Variants in FAF1 observed in about 807,000 individuals in gnomAD.
FAF1 encodes the protein Fas associated factor 1, also known as FAS-associated factor 1.
FAF1 carries 25 observed loss-of-function variants against 92.5 expected under a neutral mutation model. That is an observed-to-expected ratio of 0.27 (90% CI 0.20 to 0.38). The LOEUF is 0.38. FAF1 is among the 10% of genes least tolerant of loss of function. The pLI, the probability that FAF1 is intolerant of heterozygous loss-of-function variation, is 1.00. For synonymous variants in FAF1, 234 were observed against 273.2 expected (o/e 0.86, Z 1.42); for missense variants, 636 against 793.3 (o/e 0.80, Z 2.38).
intron 1 of FAF1, among the ~76,000 whole-genome samples, chr1:50,948,129 A>G (rs1645185240): frequency 6.6e-6 from 1 of 152,224 alleles, no homozygotes; most frequent in Non-Finnish European, 1.5e-5. Flanking sequence ...TTACAAGCAA[A>G]AGGTAGGAGG....
chr1:50,931,888 A>AAATAAATAAT (rs372773840), intron 1 of FAF1, among the ~76,000 whole-genome samples: 34 of 129,482 alleles, frequency 2.6e-4, no homozygotes, highest in East Asian at 1.1e-3. Flanking sequence ...ATAAATAAAT[A>AAATAAATAAT]AATAATAATA....
intron 2 of FAF1, among the ~76,000 whole-genome samples, chr1:50,852,620 G>C (rs990275463): frequency 5.9e-5 from 9 of 152,136 alleles, no homozygotes; most frequent in African/African-American, 1.9e-4. Flanking sequence ...ATCTTAAAAT[G>C]TGGTTTACCG....
intron 15 of FAF1, among the ~76,000 whole-genome samples, chr1:50,503,612 C>T (rs971585404): frequency 6.9e-6 from 1 of 145,200 alleles, no homozygotes; most frequent in Admixed American, 7.0e-5. Context: ...GATTCCCTGT[C>T]TCTTTAAAAA....
intron 8 of FAF1, among the ~76,000 whole-genome samples, chr1:50,636,869 TGGC>T (rs1251191509): frequency 6.6e-6 from 1 of 152,132 alleles, no homozygotes; most frequent in East Asian, 1.9e-4. Context: ...AATTTGTGTA[TGGC>T]ATAAGGTAAA....
chr1:50,748,952 T>A (rs1289439011), intron 4 of FAF1, among the ~76,000 whole-genome samples: 1 of 152,362 alleles, frequency 6.6e-6, no homozygotes. Flanking sequence ...GTCTCAATGA[T>A]ACTTTTTAAC....
At chr1:50,577,317 G>A (rs1042448953) in intron 12 of FAF1, among the ~76,000 whole-genome samples, 2 of 152,170 alleles carry the variant, frequency 1.3e-5, no homozygotes, top group African/African-American at 4.8e-5. Flanking sequence ...CTGAGGTCAG[G>A]AGTTCAAGAC....
At chr1:50,632,842 T>C (rs1029606728) in intron 8 of FAF1, among the ~76,000 whole-genome samples, 4 of 152,194 alleles carry the variant, frequency 2.6e-5, no homozygotes, top group African/African-American at 9.7e-5. Context: ...GGTGAAAGTA[T>C]TGGCTTCTTA....
intron 4 of FAF1, among the ~76,000 whole-genome samples, chr1:50,778,021 G>C (rs147270908): frequency 1.3e-5 from 2 of 152,266 alleles, no homozygotes; most frequent in African/African-American, 4.8e-5. Context: ...ACAGCAGCTT[G>C]GTAACGCTAG....
chr1:50,900,825 T>G (rs1056840018), intron 1 of FAF1, among the ~76,000 whole-genome samples: 14 of 152,160 alleles, frequency 9.2e-5, no homozygotes, highest in Non-Finnish European at 4.4e-5. Context: ...ACTTAGTAAA[T>G]TCTATTTATG....
intron 1 of FAF1, among the ~76,000 whole-genome samples, chr1:50,894,535 T>C (rs1644744242): frequency 6.6e-6 from 1 of 151,932 alleles, no homozygotes; most frequent in South Asian, 2.1e-4. Context: ...AAGAAAAACT[T>C]ATCTTTAATC....
Position 50,663,828 on chromosome 1 carries a change from T to C in FAF1, c.658-8300A>G, listed in dbSNP as rs181802533. On this transcript the variant is annotated intron_variant, in intron 7 of 18. Coordinates refer to ENST00000396153, the MANE Select transcript of FAF1 (RefSeq NM_007051.3). Reference sequence around the variant, plus strand: ...GTGGCCAGTCACTTTTGAGAATAAATATAATTAATAATCATTTGTTACAGA... The same window carrying C: ...GTGGCCAGTCACTTTTGAGAATAAACATAATTAATAATCATTTGTTACAGA... Among the ~76,000 whole-genome samples the C allele has an allele frequency of 3.3e-3, 494 of 151,448 alleles. 3 individuals are homozygous for C. Among genetic ancestry groups the C allele is most frequent in the South Asian group, 6.6e-3 (32 of 4,820 alleles).
intron 7 of FAF1, among the ~76,000 whole-genome samples, chr1:50,679,911 T>A (rs187415334): frequency 6.6e-6 from 1 of 152,312 alleles, no homozygotes; most frequent in Non-Finnish European, 1.5e-5. Context: ...CACAATATAT[T>A]CAATTTCTGG....
intron 15 of FAF1, among the ~76,000 whole-genome samples, chr1:50,498,637 G>T (rs1272707033): frequency 6.6e-6 from 1 of 152,220 alleles, no homozygotes; most frequent in African/African-American, 2.4e-5. Context: ...ATCACCTGAG[G>T]TCAGGAGTTC....
chr1:50,681,236 A>G (rs1355726622), intron 7 of FAF1, among the ~76,000 whole-genome samples: 2 of 151,922 alleles, frequency 1.3e-5, no homozygotes, highest in Non-Finnish European at 2.9e-5. Context: ...TAGTAGAGAC[A>G]GGGTTTAACC....
intron 1 of FAF1, among the ~76,000 whole-genome samples, chr1:50,937,963 A>G (rs1325347576): frequency 6.6e-6 from 1 of 152,210 alleles, no homozygotes; most frequent in Non-Finnish European, 1.5e-5. Context: ...GGTCATTTAA[A>G]TATCTGTTGA....
chr1:50,743,496 T>G (rs1038634060), intron 5 of FAF1, among the ~76,000 whole-genome samples: 1 of 149,916 alleles, frequency 6.7e-6, no homozygotes, highest in African/African-American at 2.4e-5. Flanking sequence ...CCCAGCTAAT[T>G]TTTGCATTTT....
intron 7 of FAF1, among the ~76,000 whole-genome samples, chr1:50,679,822 T>G (rs1656343374): frequency 6.6e-6 from 1 of 152,224 alleles, no homozygotes; most frequent in Non-Finnish European, 1.5e-5. Flanking sequence ...AAATCACTTC[T>G]GTACATGCAT....
rs59187392 is a variant in FAF1 at position 50,692,241 on chromosome 1, CTGTGTGTGTGTGTGTGTGTG to C, written c.657+13525_657+13544del. 1.9e-3 allele frequency among the ~76,000 whole-genome samples: 249 copies of C among 129,078 alleles called. 5 individuals carry two copies. The highest frequency in any genetic ancestry group is 4.9e-3 in the South Asian group (17 of 3,492). The allele number at this position is 129,078 out of a possible 152,430, so 84.7% of individuals were successfully genotyped here. A position where few individuals can be genotyped will look rare whatever the true frequency, so the allele number is the denominator to read the frequency against. On this transcript the variant is annotated intron_variant, in intron 7 of 18. Transcript: ENST00000396153. ...ACATATCCAGCACTTGAAGTATTTA[CTGTGTGTGTGTGTGTGTGTG>C]TGTGTGTGTGTGTGTGTGTGTGTGT...
chr1:50,746,294 T>TA (rs1659618781), intron 4 of FAF1, among the ~76,000 whole-genome samples: 3 of 29,072 alleles, frequency 1.0e-4, no homozygotes, highest in African/African-American at 3.1e-4. Context: ...ATATATATAT[T>TA]TTTTTTTTTT....
Sources: allele counts gnomAD v4.1 joint callset (sites outside exome capture counted in the v4.1 genomes callset), GRCh38; gene constraint gnomAD v4.1.1; transcripts MANE v1.5; gene names NCBI Gene and HGNC (gene_info 2026-07-23, HGNC 2026-07-21).